Variants in NAA15 observed in about 807,000 individuals in gnomAD.
NAA15 encodes N-terminal acetyltransferase.
In NAA15, 34 loss-of-function variants were observed where a neutral mutation model predicts 114.0. The observed-to-expected ratio is 0.30, with a 90% confidence interval of 0.23 to 0.40. The LOEUF is 0.40. Among genes scored for constraint, NAA15 ranks in the 10% least tolerant of loss-of-function variants. The pLI is 1.00. For synonymous variants in NAA15, 340 were observed against 338.0 expected (o/e 1.01, Z -0.06); for missense variants, 658 against 1,004.5 (o/e 0.66, Z 4.66).
At chr4:139,361,645 GTATTCC>G in intron 13 of NAA15, 73 bp from the exon 14 acceptor site, 1 of 833,552 alleles carries the variant, frequency 1.2e-6, no homozygotes, top group Non-Finnish European at 1.8e-6. Context: ...AAAGTAACAA[GTATTCC>G]AATGCTTTGA....
rs1394376398 is a variant in NAA15, at chr4:139,357,386, A to G, written c.1088A>G (p.Asp363Gly). The G allele has an allele frequency of 2.5e-6, 4 of 1,613,620 alleles. No individual in the cohort carries two copies. The highest frequency in any genetic ancestry group is 3.4e-6 in the Non-Finnish European group (4 of 1,179,786). Residue 363 changes from aspartate to glycine, a missense_variant and splice_region_variant, in exon 11 of 20, where the codon GAT becomes GGT. Transcript: ENST00000296543. ...LKSCRLFNPN[D>G]DGKEEPPTTL... The stretch of plus-strand genomic sequence containing the variant: ...GGTTTCTTCTCCCTCTTCTCCTAAG[A>G]TGATGGAAAGGAGGAACCACCAACC...
intron 6 of NAA15, among the ~76,000 whole-genome samples, chr4:139,349,201 T>A (rs1475078502): frequency 6.6e-6 from 1 of 152,120 alleles, no homozygotes; most frequent in Non-Finnish European, 1.5e-5. Context: ...AATGTGAGAA[T>A]CTGGCCGGGC....
chr4:139,322,328 A>G (rs1023584212), intron 1 of NAA15, among the ~76,000 whole-genome samples: 1 of 152,226 alleles, frequency 6.6e-6, no homozygotes, highest in Non-Finnish European at 1.5e-5. Flanking sequence ...TATATAAGGC[A>G]TGCCTTTCAC....
chr4:139,315,060 G>GTTTAGTTTAGTTTAGTTTAT (rs1746361876), intron 1 of NAA15, among the ~76,000 whole-genome samples: 1 of 130,866 alleles, frequency 7.6e-6, no homozygotes, highest in Non-Finnish European at 1.7e-5. Context: ...GGTTAGTTTA[G>GTTTAGTTTAGTTTAGTTTAT]TTTAGTTTAG....
At chr4:139,360,010 C>T in intron 12 of NAA15, 115 bp downstream of exon 12, 1 of 932,718 alleles carries the variant, frequency 1.1e-6, no homozygotes. Flanking sequence ...CCGTAATAGC[C>T]AAGATTTTAA....
Position 139,354,082 on chromosome 4 carries a change from G to A in NAA15, c.1071G>A (p.Arg357=), listed in dbSNP as rs1395050947. The A allele has an allele frequency of 6.2e-7, 1 of 1,613,330 alleles. No individual in the cohort carries two copies. The highest frequency in any genetic ancestry group is 1.7e-5 in the Admixed American group (1 of 59,990). The part of the protein sequence containing the change: ...VGYETSLKSC[R]LFNPNDDGKE... Reference sequence around the variant, plus strand: ...ATGAAACCTCTCTAAAAAGCTGCCGGTTATTTAACCCCAATGGTAAGTCCT... The same window carrying A: ...ATGAAACCTCTCTAAAAAGCTGCCGATTATTTAACCCCAATGGTAAGTCCT... Residue 357 remains arginine, a synonymous_variant, in exon 10 of 20, where the codon CGG becomes CGA. Transcript: ENST00000296543.
At chr4:139,362,427 C>T (rs1156412197) in intron 14 of NAA15, among the ~76,000 whole-genome samples, 2 of 152,110 alleles carry the variant, frequency 1.3e-5, no homozygotes, top group Admixed American at 6.6e-5. Flanking sequence ...GTGCCCACCA[C>T]CACGCCTGGC....
At position 139,376,481 on chromosome 4, in the gene NAA15, A is replaced by G. The variant is rs771434610; in HGVS notation, c.2056+8A>G. On this transcript the variant is annotated splice_region_variant and intron_variant, in intron 16 of 19. Transcript: ENST00000296543. ...AGATTTACTTTAGGAAAGGTAGGCA[A>G]TTAGGGTACAGTGGCCCTGACAAAA... 5.2e-6 allele frequency: 8 copies of G among 1,539,558 alleles called. No individual in the cohort carries two copies. The highest frequency in any genetic ancestry group is 2.2e-5 in the South Asian group (2 of 89,460).
At chr4:139,368,510 AG>A (rs1237694387) in intron 14 of NAA15, among the ~76,000 whole-genome samples, 3 of 152,352 alleles carry the variant, frequency 2.0e-5, no homozygotes, top group East Asian at 3.9e-4. Flanking sequence ...TCATGGCCAG[AG>A]GCATCAGTTC....
At chr4:139,374,961 C>A (rs1278059473) in intron 15 of NAA15, among the ~76,000 whole-genome samples, 1 of 152,178 alleles carries the variant, frequency 6.6e-6, no homozygotes, top group Non-Finnish European at 1.5e-5. Context: ...GTCCTTGTTT[C>A]CCTTTGTAAT....
chr4:139,322,371 C>T (rs770101332), intron 1 of NAA15, among the ~76,000 whole-genome samples: 1 of 152,244 alleles, frequency 6.6e-6, no homozygotes, highest in Non-Finnish European at 1.5e-5. Context: ...CCTCCAGCCT[C>T]ATGGAACTGT....
chr4:139,319,637 T>C lies in NAA15; in HGVS notation c.55-14537T>C, dbSNP rs567352112. On this transcript the variant is annotated intron_variant, in intron 1 of 19. Transcript: ENST00000296543. ...TTTAGTAGAGATGGGTTTTGCCATG[T>C]TGCCAGGCTGGTCTTGAACTCCTGG... Among the ~76,000 whole-genome samples, 3 of 151,742 alleles carry C rather than the reference T, an allele frequency of 2.0e-5. No individual in the cohort carries two copies. The East Asian group carries it at 5.9e-4, about 30-fold the overall frequency.
At position 139,351,504 on chromosome 4, in the gene NAA15, G is replaced by A; in HGVS notation, c.908-1G>A. The A allele has an allele frequency of 6.4e-7, 1 of 1,560,270 alleles. No homozygotes were observed. Among genetic ancestry groups the A allele is most frequent in the Non-Finnish European group, 8.8e-7 (1 of 1,133,314 alleles). ...AGCGAAAAGGATTTTTCTCTTCCAA[G>A]GTGAGAAGTTTAAAGAATGTTTGGA... On this transcript the variant is annotated splice_acceptor_variant, in intron 8 of 19. Coordinates refer to ENST00000296543, the MANE Select transcript of NAA15 (RefSeq NM_057175.5). LOFTEE classifies it high-confidence loss of function.
At chr4:139,347,321 C>T (rs1289936701) in intron 6 of NAA15, among the ~76,000 whole-genome samples, 1 of 151,940 alleles carries the variant, frequency 6.6e-6, no homozygotes, top group Non-Finnish European at 1.5e-5. Context: ...GGTTGAGAAC[C>T]GCTGGTACAG....
Position 139,336,830 on chromosome 4 carries a change from C to G in NAA15, c.140-18C>G, listed in dbSNP as rs1747216436. ...ATTTTTTTAAAATGTTCCTTTTCTTCTTTGTTTTTGAAAATAGAAACCTTG... is the reference window on the plus strand; with the variant it reads ...ATTTTTTTAAAATGTTCCTTTTCTTGTTTGTTTTTGAAAATAGAAACCTTG... On this transcript the variant is annotated intron_variant, in intron 2 of 19. Transcript: ENST00000296543. The G allele has an allele frequency of 7.0e-7, 1 of 1,421,066 alleles. No homozygotes were observed. Among genetic ancestry groups the G allele is most frequent in the African/African-American group, 1.5e-5 (1 of 68,406 alleles). 88.0% of individuals were successfully genotyped at this position (1,421,066 alleles called of 1,614,324 possible).
chr4:139,339,498 T>TA (rs1483004622), intron 3 of NAA15, among the ~76,000 whole-genome samples: 1 of 151,372 alleles, frequency 6.6e-6, no homozygotes, highest in African/African-American at 2.4e-5. Flanking sequence ...CCATCTCTTT[T>TA]AAAAAACGCA....
At position 139,315,056 on chromosome 4, in the gene NAA15, T is replaced by TTAGGTTAGGTTAGG. The variant is rs1560953050; in HGVS notation, c.54+13226_54+13227insAGGTTAGGTTAGGT. Among the ~76,000 whole-genome samples, 194 of 41,060 alleles carry TTAGGTTAGGTTAGG rather than the reference T, an allele frequency of 4.7e-3. 4 individuals carry two copies. The highest frequency in any genetic ancestry group is 0.015 in the East Asian group (15 of 982). 26.9% of individuals were successfully genotyped at this position (41,060 alleles called of 152,430 possible). A position where few individuals can be genotyped will look rare whatever the true frequency, so the allele number is the denominator to read the frequency against. ...GTTAGGTTAGGTTAGGTTAGGTTAG[T>TTAGGTTAGGTTAGG]TTAGTTTAGTTTAGTTTAGTTTTTG... On this transcript the variant is annotated intron_variant, in intron 1 of 19. Transcript: ENST00000296543.
At chr4:139,315,867 C>G (rs1195392575) in intron 1 of NAA15, among the ~76,000 whole-genome samples, 1 of 150,710 alleles carries the variant, frequency 6.6e-6, no homozygotes, top group Non-Finnish European at 1.5e-5. Flanking sequence ...TCCTCTTAGT[C>G]TCTCTCTTTT....
chr4:139,384,455 G>A (rs915661381), intron 17 of NAA15, among the ~76,000 whole-genome samples: 2 of 152,188 alleles, frequency 1.3e-5, no homozygotes, highest in African/African-American at 4.8e-5. Context: ...TCCAGCTTGG[G>A]TGGCAGTAAA....
Sources: gnomAD v4.1 joint callset for allele counts (sites outside exome capture counted in the v4.1 genomes callset) on GRCh38, gnomAD v4.1.1 for gene constraint, MANE v1.5 for transcripts, NCBI Gene and HGNC (gene_info 2026-07-23, HGNC 2026-07-21) for gene names.